The following LMBR1 variants were observed in gnomAD, a reference collection of about 807,000 sequenced individuals.
The protein encoded by LMBR1 is limb development membrane protein 1, also known as limb region 1 protein homolog.
Under a neutral mutation model 73.9 loss-of-function variants are expected in LMBR1, and 52 were observed. The observed-to-expected ratio is 0.70, with a 90% CI of 0.56 to 0.89. The LOEUF is 0.89. Among genes scored for constraint, LMBR1 ranks in the 40% least tolerant of loss-of-function variants. The pLI, the probability that LMBR1 is intolerant of heterozygous loss-of-function variation, is 0.00. For synonymous variants in LMBR1, 215 were observed against 209.4 expected, an observed-to-expected ratio of 1.03 and a Z score of -0.23; for missense variants, 539 against 579.8, an observed-to-expected ratio of 0.93 and a Z score of 0.72.
intron 1 of LMBR1, among the ~76,000 whole-genome samples, chr7:156,878,513 G>A (rs933540206): frequency 1.3e-5 from 2 of 152,102 alleles, no homozygotes; most frequent in African/African-American, 4.8e-5. Context: ...AAGGTAAAAG[G>A]CCTCTACAAG....
chr7:156,740,202 G>T (rs1407693760), intron 9 of LMBR1, among the ~76,000 whole-genome samples: 3 of 151,880 alleles, frequency 2.0e-5, no homozygotes, highest in Non-Finnish European at 4.4e-5. Flanking sequence ...ATACATAGTG[G>T]AGACAAAAGA....
chr7:156,791,152 A>G (rs1001226071), intron 5 of LMBR1, among the ~76,000 whole-genome samples: 2 of 152,200 alleles, frequency 1.3e-5, no homozygotes, highest in Non-Finnish European at 2.9e-5. Context: ...AATAAACACT[A>G]AGATCAAAAC....
At chr7:156,697,938 G>A (rs1164512759) in intron 15 of LMBR1, among the ~76,000 whole-genome samples, 1 of 152,180 alleles carries the variant, frequency 6.6e-6, no homozygotes, top group Non-Finnish European at 1.5e-5. Context: ...ATATTAAAAT[G>A]AGATCTTCAC....
chr7:156,889,233 T>C (rs887710528), intron 1 of LMBR1, among the ~76,000 whole-genome samples: 1 of 152,000 alleles, frequency 6.6e-6, no homozygotes, highest in Non-Finnish European at 1.5e-5. Context: ...GAATGGAGAG[T>C]TACTGTTTCA....
At position 156,680,380 on chromosome 7, in the gene LMBR1, G is replaced by GAGAGAC. The variant is rs1311258265; in HGVS notation, c.*3697_*3698insGTCTCT. The GAGAGAC allele has an allele frequency of 7.2e-6, 1 of 139,232 alleles. No individual in the cohort carries two copies. Among genetic ancestry groups the GAGAGAC allele is most frequent in the Non-Finnish European group, 1.5e-5 (1 of 65,412 alleles). The allele number at this position is 139,232 out of a possible 1,614,324, so 8.6% of individuals were successfully genotyped here. On this transcript the variant is annotated 3_prime_UTR_variant, in exon 17 of 17. Coordinates refer to ENST00000353442, the MANE Select transcript of LMBR1 (RefSeq NM_022458.4). ...TGCTTATACGTATCTGAGAGACAGA[G>GAGAGAC]AGAGAGAGAGAGAGAGAGAGAGAGT...
At chr7:156,858,063 C>A (rs1478306959) in intron 1 of LMBR1, among the ~76,000 whole-genome samples, 10 of 93,172 alleles carry the variant, frequency 1.1e-4, no homozygotes, top group East Asian at 3.1e-4. Context: ...AAAGTAATTC[C>A]AAAGTAAGCA....
chr7:156,867,118 A>C (rs1004052996), intron 1 of LMBR1, among the ~76,000 whole-genome samples: 1 of 152,240 alleles, frequency 6.6e-6, no homozygotes, highest in Non-Finnish European at 1.5e-5. Context: ...AGTTGAAGAG[A>C]TATTTCTCCA....
chr7:156,718,228 C>T (rs1046251590), intron 15 of LMBR1, among the ~76,000 whole-genome samples: 2 of 151,618 alleles, frequency 1.3e-5, no homozygotes, highest in Admixed American at 6.6e-5. Context: ...GGCATAACCC[C>T]GTCTCTACTA....
chr7:156,725,580 C>T, intron 13 of LMBR1, 55 bp from the exon 14 acceptor site: 14 of 1,370,842 alleles, frequency 1.0e-5, no homozygotes, highest in South Asian at 1.3e-5. Context: ...CCTAAGTTCT[C>T]GGCAGTCTCC....
At chr7:156,760,102 C>G (rs1822692535) in intron 8 of LMBR1, among the ~76,000 whole-genome samples, 1 of 152,126 alleles carries the variant, frequency 6.6e-6, no homozygotes. Flanking sequence ...ATGTGAAATA[C>G]TGATTAGGAC....
intron 4 of LMBR1, among the ~76,000 whole-genome samples, chr7:156,817,901 T>C (rs1436995313): frequency 2.6e-5 from 4 of 152,178 alleles, no homozygotes; most frequent in Non-Finnish European, 5.9e-5. Context: ...TTATCATCTA[T>C]AATGTCCAGA....
At chr7:156,889,957 T>C (rs924666924) in intron 1 of LMBR1, among the ~76,000 whole-genome samples, 2 of 152,224 alleles carry the variant, frequency 1.3e-5, no homozygotes, top group African/African-American at 4.8e-5. Context: ...TGAGCCATGA[T>C]TGCGCCACTG....
chr7:156,821,371 C>T (rs1834772221), intron 4 of LMBR1, among the ~76,000 whole-genome samples: 1 of 152,206 alleles, frequency 6.6e-6, no homozygotes. Flanking sequence ...GCATGATATG[C>T]AGGCCCCCAC....
intron 15 of LMBR1, among the ~76,000 whole-genome samples, chr7:156,694,255 T>TGGCAAATGATCC: frequency 6.6e-6 from 1 of 152,004 alleles, no homozygotes; most frequent in Non-Finnish European, 1.5e-5. Flanking sequence ...ACCTCAGCCT[T>TGGCAAATGATCC]CCAGGTAGTT....
intron 15 of LMBR1, among the ~76,000 whole-genome samples, chr7:156,708,967 T>C (rs889029968): frequency 4.6e-5 from 7 of 152,042 alleles, no homozygotes; most frequent in Admixed American, 2.0e-4. Context: ...CAAAACCCCA[T>C]TGGCCTGAGA....
chr7:156,764,065 A>G (rs1164504890), intron 5 of LMBR1, among the ~76,000 whole-genome samples: 1 of 152,210 alleles, frequency 6.6e-6, no homozygotes, highest in African/African-American at 2.4e-5. Context: ...CTTTCCTAAC[A>G]CTTTCCACTA....
At chr7:156,743,334 C>A (rs1819254743) in intron 9 of LMBR1, among the ~76,000 whole-genome samples, 1 of 152,162 alleles carries the variant, frequency 6.6e-6, no homozygotes. Flanking sequence ...TTGTGATTTT[C>A]TCCTCTCAAC....
At position 156,685,020 on chromosome 7, in the gene LMBR1, G is replaced by A. The variant is rs984737178; in HGVS notation, c.1388-857C>T. ...ACACATGCAGGAAAATGTAGGGAAAGCCACAGCCAAATATTAATATGTAAT... is the reference window on the plus strand; with the variant it reads ...ACACATGCAGGAAAATGTAGGGAAAACCACAGCCAAATATTAATATGTAAT... On this transcript the variant is annotated intron_variant, in intron 16 of 16. Transcript: ENST00000353442. The surrounding 1 kb of genome is among the most constrained non-coding windows in gnomAD (Gnocchi z 4.1). 1.3e-5 allele frequency among the ~76,000 whole-genome samples: 2 copies of A among 152,100 alleles called. No homozygotes were observed. The highest frequency in any genetic ancestry group is 2.4e-5 in the African/African-American group (1 of 41,396).
chr7:156,785,116 A>G (rs1827842378), intron 5 of LMBR1, among the ~76,000 whole-genome samples: 1 of 152,198 alleles, frequency 6.6e-6, no homozygotes, highest in African/African-American at 2.4e-5. Context: ...GGAATGATAC[A>G]AAACATGATT....
Sources: allele counts gnomAD v4.1 joint callset (sites outside exome capture counted in the v4.1 genomes callset), GRCh38; gene constraint gnomAD v4.1.1; non-coding constraint Gnocchi (gnomAD v3.1); transcripts MANE v1.5; gene names NCBI Gene and HGNC (gene_info 2026-07-23, HGNC 2026-07-21).